Variants in PREX2 observed in about 807,000 individuals in gnomAD.
PREX2 encodes phosphatidylinositol 3,4,5-trisphosphate-dependent Rac exchanger 2 protein.
Under a neutral mutation model 203.2 loss-of-function variants are expected in PREX2, and 107 were observed. That is an observed-to-expected ratio of 0.53 (90% CI 0.45 to 0.62). The LOEUF (loss-of-function observed/expected upper bound fraction) is 0.62, where lower values mean the gene tolerates loss of function less well. Ranked by LOEUF, PREX2 falls within the 20% of genes least tolerant of loss-of-function variation. The pLI is 0.00. For synonymous variants in PREX2, 672 were observed against 663.6 expected, an observed-to-expected ratio of 1.01 and a Z score of -0.19; for missense variants, 1,777 against 1,955.9, an observed-to-expected ratio of 0.91 and a Z score of 1.72.
chr8:68,213,000 G>A (rs892433503), intron 37 of PREX2, among the ~76,000 whole-genome samples: 11 of 152,132 alleles, frequency 7.2e-5, no homozygotes, highest in African/African-American at 2.7e-4. Context: ...CTCAGGATAT[G>A]GACGTATTAC....
At chr8:68,142,223 C>T (rs1811244207) in intron 33 of PREX2, among the ~76,000 whole-genome samples, 1 of 152,256 alleles carries the variant, frequency 6.6e-6, no homozygotes, top group East Asian at 1.9e-4. Flanking sequence ...CATGTATCCA[C>T]CATTATAGTA....
In PREX2 at chr8:68,161,251, C is replaced by T. The variant is rs200289154; in HGVS notation, c.4346+3815C>T. On this transcript the variant is annotated intron_variant, in intron 35 of 39. Transcript: ENST00000288368. The stretch of plus-strand genomic sequence containing the variant: ...CTGGGACTACAGGCACTTGCCACCA[C>T]GCCCGGCTAATTTTTGTATTTTTAG... Among the ~76,000 whole-genome samples the T allele has an allele frequency of 1.1e-4, 16 of 152,036 alleles. No homozygotes were observed. In the East Asian group the frequency reaches 2.7e-3, roughly 26 times the overall value.
intron 29 of PREX2, 42 bp from the exon 30 acceptor site, chr8:68,120,879 G>A (rs765598007): frequency 6.3e-7 from 1 of 1,582,410 alleles, no homozygotes; most frequent in South Asian, 1.1e-5. Context: ...CATTGTTTAG[G>A]AATTATTTGA....
chr8:67,978,258 T>A (rs1236606340), intron 1 of PREX2, among the ~76,000 whole-genome samples: 1 of 152,108 alleles, frequency 6.6e-6, no homozygotes, highest in Non-Finnish European at 1.5e-5. Context: ...TGTGAGAGTA[T>A]CATAGGAGAA....
intron 6 of PREX2, among the ~76,000 whole-genome samples, chr8:68,032,158 G>A (rs535666634): frequency 1.3e-5 from 2 of 152,238 alleles, no homozygotes; most frequent in East Asian, 1.9e-4. Flanking sequence ...ACCAGCTTTC[G>A]TGGTTTTACA....
At position 68,192,407 on chromosome 8, in the gene PREX2, G is replaced by A; in HGVS notation, c.4486G>A (p.Ala1496Thr). Residue 1496 changes from alanine (A) to threonine (T), a missense_variant, in exon 37 of 40, where the codon GCT (alanine) becomes ACT (threonine). By Grantham distance (58) the Ala-to-Thr change is moderately conservative (BLOSUM62 0). Transcript: ENST00000288368. ...CTCGTTTATCAGATCCAAGCGCACA[G>A]CTGCCTGTGCAAACACAGCTTGCAG... ...VASFIRSKRT[A>T]ACANTACSAS... is the part of the protein sequence containing the mutation. The A allele has an allele frequency of 6.2e-7, 1 of 1,614,050 alleles. No individual in the cohort carries two copies. Among genetic ancestry groups the A allele is most frequent in the East Asian group, 2.2e-5 (1 of 44,846 alleles).
chr8:67,969,766 G>C (rs1028535537), intron 1 of PREX2, among the ~76,000 whole-genome samples: 2 of 152,232 alleles, frequency 1.3e-5, no homozygotes, highest in Non-Finnish European at 2.9e-5. Flanking sequence ...CTTCCTGACA[G>C]CTTGTTCGAA....
At chr8:68,156,833 C>T (rs1421195773) in intron 34 of PREX2, among the ~76,000 whole-genome samples, 3 of 152,138 alleles carry the variant, frequency 2.0e-5, no homozygotes, top group Non-Finnish European at 4.4e-5. Flanking sequence ...CTTCCTAGTA[C>T]AGAGGGGGAG....
chr8:68,161,051 C>A (rs1314583642), intron 35 of PREX2, among the ~76,000 whole-genome samples: 1 of 151,940 alleles, frequency 6.6e-6, no homozygotes, highest in Non-Finnish European at 1.5e-5. Flanking sequence ...TTTTCATAAA[C>A]CTTTTATAAC....
chr8:68,172,056 T>A (rs986745684), intron 35 of PREX2, among the ~76,000 whole-genome samples: 1 of 152,224 alleles, frequency 6.6e-6, no homozygotes, highest in African/African-American at 2.4e-5. Context: ...CATATTTTGC[T>A]TTCTTTAGGA....
intron 38 of PREX2, among the ~76,000 whole-genome samples, chr8:68,221,956 G>A (rs1367730088): frequency 2.0e-5 from 3 of 152,068 alleles, no homozygotes; most frequent in African/African-American, 7.2e-5. Flanking sequence ...TGTAAATAAC[G>A]AGAGGCTGAT....
chr8:68,187,170 A>G (rs2129614552), intron 35 of PREX2, among the ~76,000 whole-genome samples: 1 of 152,074 alleles, frequency 6.6e-6, no homozygotes, highest in East Asian at 1.9e-4. Flanking sequence ...TTCCCAGATA[A>G]TTCAAGGTTT....
chr8:68,180,562 A>G (rs879301251), intron 35 of PREX2, among the ~76,000 whole-genome samples: 2 of 152,082 alleles, frequency 1.3e-5, no homozygotes, highest in Non-Finnish European at 2.9e-5. Flanking sequence ...AGGCAAGCAG[A>G]ACCTAAGAAA....
intron 35 of PREX2, among the ~76,000 whole-genome samples, chr8:68,174,394 A>G (rs1019694827): frequency 1.3e-5 from 2 of 152,180 alleles, no homozygotes; most frequent in Admixed American, 6.5e-5. Flanking sequence ...AACTTCAAGT[A>G]GGGGCACAGT....
chr8:68,062,348 A>G (rs568432241), intron 11 of PREX2, among the ~76,000 whole-genome samples: 9 of 152,288 alleles, frequency 5.9e-5, no homozygotes, highest in African/African-American at 1.4e-4. Flanking sequence ...TCTGTTTATA[A>G]CCATCTAATT....
chr8:68,105,159 T>C (rs1441497020), intron 23 of PREX2: 1 of 1,367,812 alleles, frequency 7.3e-7, no homozygotes, highest in South Asian at 1.1e-5. Flanking sequence ...AGAAAGGTTT[T>C]ACAATTTCAC....
At chr8:68,001,426 T>A (rs1806934945) in intron 1 of PREX2, among the ~76,000 whole-genome samples, 1 of 152,144 alleles carries the variant, frequency 6.6e-6, no homozygotes, top group Non-Finnish European at 1.5e-5. Context: ...ATAGCTCTTA[T>A]TAAAATGTCA....
chr8:68,225,892 A>G (rs1335097374), intron 39 of PREX2, among the ~76,000 whole-genome samples: 2 of 152,202 alleles, frequency 1.3e-5, no homozygotes, highest in Non-Finnish European at 2.9e-5. Context: ...CCAATAAGAA[A>G]ACAAGACCAT....
chr8:68,017,074 C>G (rs1190375516), intron 1 of PREX2, among the ~76,000 whole-genome samples: 1 of 151,918 alleles, frequency 6.6e-6, no homozygotes, highest in Non-Finnish European at 1.5e-5. Context: ...CCTTTTTCTC[C>G]CCTAAACTTT....
Sources: gnomAD v4.1 joint callset for allele counts (sites outside exome capture counted in the v4.1 genomes callset) on GRCh38, gnomAD v4.1.1 for gene constraint, MANE v1.5 for transcripts, NCBI Gene and HGNC (gene_info 2026-07-23, HGNC 2026-07-21) for gene names.